The following FER1L6 variants were observed in gnomAD, a reference collection of about 807,000 sequenced individuals.
FER1L6 encodes the protein fer-1 like family member 6.
FER1L6 carries 177 observed loss-of-function variants against 219.2 expected under a neutral mutation model. The ratio of observed to expected loss-of-function variants is 0.81; its 90% CI spans 0.71 to 0.91. The LOEUF (loss-of-function observed/expected upper bound fraction) is 0.91, where lower values mean the gene tolerates loss of function less well. Among genes scored for constraint, FER1L6 ranks in the 40% least tolerant of loss-of-function variants. FER1L6 has a pLI of 0.00. For synonymous variants in FER1L6, 768 were observed against 824.3 expected (o/e 0.93, Z 1.17); for missense variants, 2,153 against 2,259.9 (o/e 0.95, Z 0.96).
chr8:124,102,458 A>C (rs1407635712), intron 38 of FER1L6, among the ~76,000 whole-genome samples: 3 of 152,252 alleles, frequency 2.0e-5, no homozygotes, highest in African/African-American at 7.2e-5. Flanking sequence ...ACCAATACAC[A>C]GAGCAGTGGT....
chr8:124,036,334 C>A (rs1819207469), intron 19 of FER1L6: 1 of 152,176 alleles, frequency 6.6e-6, no homozygotes, highest in Non-Finnish European at 1.5e-5. Flanking sequence ...AATGGTTCAG[C>A]TCATGGTTTC....
intron 1 of FER1L6, among the ~76,000 whole-genome samples, chr8:123,890,287 G>A (rs1292205850): frequency 6.6e-6 from 1 of 152,054 alleles, no homozygotes; most frequent in Non-Finnish European, 1.5e-5. Context: ...TGTATACTGG[G>A]AGCATAATAT....
intron 1 of FER1L6, chr8:123,925,822 G>A (rs1403881653): frequency 2.0e-5 from 3 of 152,178 alleles, no homozygotes; most frequent in Non-Finnish European, 2.9e-5. Flanking sequence ...ACAAACATCA[G>A]CTCCATGTAC....
At chr8:124,095,235 C>CGTGGG (rs1822230151) in intron 35 of FER1L6, among the ~76,000 whole-genome samples, 197 bp downstream of exon 35, 1 of 152,154 alleles carries the variant, frequency 6.6e-6, no homozygotes, top group African/African-American at 2.4e-5. Context: ...ATTAAACATC[C>CGTGGG]TAGAAAACAC....
intron 31 of FER1L6, among the ~76,000 whole-genome samples, chr8:124,073,481 T>A (rs1413180572): frequency 6.6e-6 from 1 of 152,172 alleles, no homozygotes; most frequent in East Asian, 1.9e-4. Flanking sequence ...TTAAATGAAT[T>A]CTCAAACCTT....
intron 38 of FER1L6, among the ~76,000 whole-genome samples, chr8:124,102,168 T>C (rs181997373): frequency 3.7e-4 from 57 of 152,338 alleles, no homozygotes; most frequent in African/African-American, 1.1e-3. Flanking sequence ...GAGGCATATC[T>C]GACTCCCCCT....
At chr8:123,961,339 C>A (rs1161767391) in intron 2 of FER1L6, among the ~76,000 whole-genome samples, 1 of 152,186 alleles carries the variant, frequency 6.6e-6, no homozygotes, top group African/African-American at 2.4e-5. Flanking sequence ...ATTTTAGCAG[C>A]TTCCTAGGTG....
chr8:123,977,583 T>C lies in FER1L6; in HGVS notation c.1037T>C (p.Ile346Thr). ...LATHFIDLKK[I>T]SNEQDGDKGF... ...ACCCATTTCATTGACCTGAAGAAAA[T>C]CTCCAACGAACAGGATGGAGACAAA... The change falls in exon 10 of 41, where the codon ATC becomes ACC. Residue 346 changes from isoleucine to threonine, a missense_variant. Ile to Thr is a moderately conservative substitution (Grantham distance 89). Transcript: ENST00000522917. 1 of 1,613,836 alleles carries C rather than the reference T, an allele frequency of 6.2e-7. No individual in the cohort carries two copies. The highest frequency in any genetic ancestry group is 8.5e-7 in the Non-Finnish European group (1 of 1,179,960).
At position 123,980,906 on chromosome 8, in the gene FER1L6, A is replaced by G. The variant is rs568910344; in HGVS notation, c.1410+95A>G. The G allele has an allele frequency of 8.3e-6, 9 of 1,086,804 alleles. No individual in the cohort carries two copies. In the Admixed American group the frequency reaches 1.6e-4, roughly 19 times the overall value. 67.3% of individuals were successfully genotyped at this position (1,086,804 alleles called of 1,614,324 possible). A position where few individuals can be genotyped will look rare whatever the true frequency, so the allele number is the denominator to read the frequency against. On this transcript the variant is annotated intron_variant, in intron 11 of 40. Transcript: ENST00000522917. ...AGGTTCCTGAAGGTGTTGTCAGAATATGTCTTATTCCCTCTGAAAAATTTG... is the reference window on the plus strand; with the variant it reads ...AGGTTCCTGAAGGTGTTGTCAGAATGTGTCTTATTCCCTCTGAAAAATTTG...
At chr8:124,071,669 T>C in intron 31 of FER1L6, 38 bp downstream of exon 31, 4 of 1,596,470 alleles carry the variant, frequency 2.5e-6, no homozygotes, top group Non-Finnish European at 3.4e-6. Flanking sequence ...GGTGTATTTA[T>C]CTGCTCAGGC....
intron 1 of FER1L6, among the ~76,000 whole-genome samples, chr8:123,872,379 C>G (rs75073777): frequency 6.6e-6 from 1 of 152,078 alleles, no homozygotes; most frequent in African/African-American, 2.4e-5. Context: ...CTACAACACA[C>G]CTGATCAGTA....
chr8:123,903,735 G>A (rs534831025), intron 1 of FER1L6, among the ~76,000 whole-genome samples: 25 of 152,130 alleles, frequency 1.6e-4, no homozygotes, highest in African/African-American at 5.3e-4. Flanking sequence ...AATATGGACC[G>A]TTTCATACTG....
chr8:123,966,925 C>CA (rs759672961), intron 5 of FER1L6, among the ~76,000 whole-genome samples: 46 of 151,668 alleles, frequency 3.0e-4, no homozygotes, highest in Non-Finnish European at 7.4e-5. Context: ...ACTAAAAATA[C>CA]AAAAAAATTA....
chr8:124,063,159 CTTT>C (rs1448312778), intron 25 of FER1L6, among the ~76,000 whole-genome samples: 26 of 152,032 alleles, frequency 1.7e-4, no homozygotes, highest in African/African-American at 6.3e-4. Flanking sequence ...CTTTAATTTT[CTTT>C]TTGATTCACA....
In FER1L6 at chr8:124,021,571, A is replaced by C. The variant is rs747277347; in HGVS notation, c.2035A>C (p.Lys679Gln). Residue 679 changes from lysine to glutamine, a missense_variant, in exon 17 of 41, where the codon AAG becomes CAG. By Grantham distance (53) the Lys-to-Gln change is moderately conservative (BLOSUM62 1). Coordinates refer to ENST00000522917, the MANE Select transcript of FER1L6 (RefSeq NM_001039112.2). ...TTAGGAAGCAATGTGCAAGGAGGCC[A>C]AGGGGATCATTCAGCAGCAGAAGAA... ...QELEAMCKEA[K>Q]GIIQQQKKKL... 1 of 1,614,176 alleles carries C rather than the reference A, an allele frequency of 6.2e-7. No homozygotes were observed. Among genetic ancestry groups the C allele is most frequent in the Non-Finnish European group, 8.5e-7 (1 of 1,179,990 alleles).
chr8:123,905,874 A>G (rs936604264), intron 1 of FER1L6, among the ~76,000 whole-genome samples: 1 of 152,206 alleles, frequency 6.6e-6, no homozygotes, highest in African/African-American at 2.4e-5. Context: ...CTGTAAAAGC[A>G]GCAGTCTTAG....
chr8:124,013,039 A>AG (rs905125878), intron 14 of FER1L6, among the ~76,000 whole-genome samples: 3 of 38,748 alleles, frequency 7.7e-5, no homozygotes, highest in Non-Finnish European at 2.4e-4. Context: ...ATCCCTATGT[A>AG]AAAAATTGAC....
At position 123,987,188 on chromosome 8, in the gene FER1L6, C is replaced by T. The variant is rs117201825; in HGVS notation, c.1519+1012C>T. On this transcript the variant is annotated intron_variant, in intron 12 of 40. Coordinates refer to ENST00000522917, the MANE Select transcript of FER1L6 (RefSeq NM_001039112.2). ...CATCCTCACCAGCATTTGTTATTAGCCTGTTATTTGGAGACAAGCCATTTT... is the reference window on the plus strand; with the variant it reads ...CATCCTCACCAGCATTTGTTATTAGTCTGTTATTTGGAGACAAGCCATTTT... Among the ~76,000 whole-genome samples, 1,027 of 152,230 alleles carry T rather than the reference C, an allele frequency of 6.7e-3. 5 individuals carry two copies. Among genetic ancestry groups the T allele is most frequent in the Middle Eastern group, 0.02 (6 of 294 alleles).
At chr8:123,894,942 T>G (rs1812720269) in intron 1 of FER1L6, among the ~76,000 whole-genome samples, 1 of 152,180 alleles carries the variant, frequency 6.6e-6, no homozygotes, top group Admixed American at 6.5e-5. Context: ...AACTGTGTAT[T>G]TACACAGCCT....
Sources: allele counts gnomAD v4.1 joint callset (sites outside exome capture counted in the v4.1 genomes callset), GRCh38; gene constraint gnomAD v4.1.1; transcripts MANE v1.5; gene names NCBI Gene and HGNC (gene_info 2026-07-23, HGNC 2026-07-21).